Variants in SOX5 observed in about 807,000 individuals in gnomAD.
The protein encoded by SOX5 is SRY-box transcription factor 5, also known as transcription factor SOX-5.
A neutral mutation model predicts 92.0 loss-of-function variants in SOX5; 9 were observed. The observed-to-expected ratio is 0.10, with a 90% CI of 0.06 to 0.17. The LOEUF (loss-of-function observed/expected upper bound fraction) is 0.17. Ranked by LOEUF, SOX5 falls within the 10% of genes least tolerant of loss-of-function variation. The probability of loss-of-function intolerance (pLI) is 1.00; values close to 1 mark genes in which losing one functional copy is unlikely to be tolerated. For synonymous variants in SOX5, 344 were observed against 336.3 expected, an observed-to-expected ratio of 1.02 and a Z score of -0.25; for missense variants, 642 against 944.5, an observed-to-expected ratio of 0.68 and a Z score of 4.20.
In SOX5 at chr12:24,036,068, TTTAAC is replaced by T. The variant is rs578044462; in HGVS notation, c.-1-140049_-1-140045del. ...CACGCAGAAAATTCTTATAAAAGGC[TTTAAC>T]TTAAGTGATAAAAATACTGAGATTC... is the stretch of plus-strand genomic sequence containing the variant. On this transcript the variant is annotated intron_variant, in intron 4 of 4. Transcript: ENST00000446891. 2.1e-4 allele frequency among the ~76,000 whole-genome samples: 32 copies of T among 152,218 alleles called. 1 individual carries two copies. The South Asian group carries it at 6.6e-3, about 32-fold the overall frequency.
chr12:23,533,685 C>T lies in SOX5; in HGVS notation c.*534G>A, dbSNP rs1939569228. ...AGGTGGAGAGAAGTAAAGAGAAATT[C>T]ATTTTTCTTTTTTTTCTGTCAGGTG... is the stretch of plus-strand genomic sequence containing the variant. On this transcript the variant is annotated 3_prime_UTR_variant, in exon 15 of 15. Coordinates refer to ENST00000451604, the MANE Select transcript of SOX5 (RefSeq NM_006940.6). 6.6e-6 allele frequency: 1 copy of T among 151,776 alleles called. No individual in the cohort carries two copies. Among genetic ancestry groups the T allele is most frequent in the African/African-American group, 2.4e-5 (1 of 41,232 alleles). 9.4% of individuals were successfully genotyped at this position (151,776 alleles called of 1,614,324 possible).
intron 11 of SOX5, among the ~76,000 whole-genome samples, chr12:23,560,362 ATATT>A (rs1190746093): frequency 5.9e-5 from 9 of 152,212 alleles, no homozygotes; most frequent in Non-Finnish European, 8.8e-5. Context: ...ACTAATCCAC[ATATT>A]TATTGGCCAT....
At chr12:24,171,029 A>G (rs1311839776) in intron 4 of SOX5, among the ~76,000 whole-genome samples, 3 of 151,904 alleles carry the variant, frequency 2.0e-5, no homozygotes, top group African/African-American at 7.3e-5. Flanking sequence ...CAGTGGTCCT[A>G]GGTAGGCTTG....
intron 9 of SOX5, among the ~76,000 whole-genome samples, chr12:23,597,390 A>T (rs577415522): frequency 6.6e-6 from 1 of 152,156 alleles, no homozygotes; most frequent in African/African-American, 2.4e-5. Context: ...CTAATGATCT[A>T]TTTGGACATT....
chr12:24,023,841 T>C (rs1442601757), intron 4 of SOX5, among the ~76,000 whole-genome samples: 1 of 152,092 alleles, frequency 6.6e-6, no homozygotes, highest in East Asian at 1.9e-4. Context: ...TGCCAGGCAC[T>C]GTGAATATAG....
intron 8 of SOX5, among the ~76,000 whole-genome samples, chr12:23,631,869 T>C (rs1424043375): frequency 6.6e-6 from 1 of 152,130 alleles, no homozygotes; most frequent in African/African-American, 2.4e-5. Flanking sequence ...CTGTGTGTAC[T>C]GACTCCATTG....
rs567290684 is a variant in SOX5 at position 23,848,008 on chromosome 12, C to A, written c.271-1815G>T. 2.0e-5 allele frequency among the ~76,000 whole-genome samples: 3 copies of A among 152,240 alleles called. No homozygotes were observed. The South Asian group carries it at 6.2e-4, about 32-fold the overall frequency. On this transcript the variant is annotated intron_variant, in intron 2 of 14. Transcript: ENST00000451604. ...TAATAGGAATGTTTTTATGAATGGT[C>A]CATAACACACATTAGCTTAGTTTCA...
intron 4 of SOX5, among the ~76,000 whole-genome samples, chr12:24,142,110 G>T (rs1037291916): frequency 4.6e-5 from 7 of 152,050 alleles, no homozygotes; most frequent in African/African-American, 1.7e-4. Context: ...TTCCCACATT[G>T]TAAAAGGAAC....
intron 4 of SOX5, among the ~76,000 whole-genome samples, chr12:24,068,540 T>C (rs1310320963): frequency 6.6e-6 from 1 of 151,714 alleles, no homozygotes; most frequent in Admixed American, 6.6e-5. Flanking sequence ...CATTTGCATA[T>C]GGTCTGACTC....
At chr12:24,008,739 A>G (rs1235254533) in intron 4 of SOX5, among the ~76,000 whole-genome samples, 3 of 152,202 alleles carry the variant, frequency 2.0e-5, no homozygotes, top group African/African-American at 7.2e-5. Context: ...CCCAAAAGAC[A>G]GATATGGCCA....
intron 4 of SOX5, among the ~76,000 whole-genome samples, chr12:23,965,805 G>A (rs534986582): frequency 1.3e-5 from 2 of 152,114 alleles, no homozygotes; most frequent in Admixed American, 1.3e-4. Flanking sequence ...TTTTAGTTGA[G>A]ATGGCGTTTC....
chr12:23,565,115 A>T (rs1362317053), intron 10 of SOX5, among the ~76,000 whole-genome samples: 1 of 152,242 alleles, frequency 6.6e-6, no homozygotes, highest in Admixed American at 6.5e-5. Flanking sequence ...TTCAAAGAAC[A>T]AAACATCTCT....
At chr12:23,954,545 A>G (rs948284865), upstream of SOX5, among the ~76,000 whole-genome samples, 3 of 152,030 alleles carry the variant, frequency 2.0e-5, no homozygotes, top group Admixed American at 6.5e-5. Context: ...CTCACTATTG[A>G]CCTATCACAT....
At chr12:24,381,459 G>A (rs774843551) in intron 1 of SOX5, among the ~76,000 whole-genome samples, 2 of 152,074 alleles carry the variant, frequency 1.3e-5, no homozygotes, top group African/African-American at 2.4e-5. Context: ...GTTCTTAATG[G>A]GTGGTTGTGT....
intron 8 of SOX5, among the ~76,000 whole-genome samples, chr12:23,631,769 C>G (rs1310923866): frequency 5.3e-5 from 8 of 152,066 alleles, no homozygotes; most frequent in Non-Finnish European, 1.5e-5. Context: ...TTTGGAAAAA[C>G]ACACGTGTAC....
At chr12:23,808,653 A>G (rs1240084325) in intron 3 of SOX5, among the ~76,000 whole-genome samples, 1 of 152,176 alleles carries the variant, frequency 6.6e-6, no homozygotes, top group Non-Finnish European at 1.5e-5. Flanking sequence ...TAAAAATTAA[A>G]TATAACTAGT....
chr12:23,883,006 C>G (rs2097015002), intron 2 of SOX5, among the ~76,000 whole-genome samples: 1 of 151,962 alleles, frequency 6.6e-6, no homozygotes, highest in African/African-American at 2.4e-5. Context: ...ACAGTGAAAC[C>G]CCGTCTCTAC....
chr12:24,271,563 A>C (rs1163413524), intron 3 of SOX5, among the ~76,000 whole-genome samples: 2 of 152,114 alleles, frequency 1.3e-5, no homozygotes, highest in Non-Finnish European at 2.9e-5. Flanking sequence ...TCTACTCCTA[A>C]GCCATATTCC....
chr12:24,185,362 T>C (rs1268765454), intron 4 of SOX5, among the ~76,000 whole-genome samples: 1 of 152,116 alleles, frequency 6.6e-6, no homozygotes, highest in Non-Finnish European at 1.5e-5. Flanking sequence ...GCCCCACCAT[T>C]CTCAGACACT....
Sources: allele counts gnomAD v4.1 joint callset (sites outside exome capture counted in the v4.1 genomes callset), GRCh38; gene constraint gnomAD v4.1.1; transcripts MANE v1.5; gene names NCBI Gene and HGNC (gene_info 2026-07-23, HGNC 2026-07-21).